Variants in TEX2 observed in about 807,000 individuals in gnomAD.
TEX2 encodes the protein testis expressed 2, also known as testis-expressed protein 2.
Under a neutral mutation model 106.9 loss-of-function variants are expected in TEX2, and 53 were observed. That is an observed-to-expected ratio of 0.50 (90% CI 0.40 to 0.62). The LOEUF (loss-of-function observed/expected upper bound fraction) is 0.62. Ranked by LOEUF, TEX2 falls within the 20% of genes least tolerant of loss-of-function variation. TEX2 has a pLI of 0.00. For missense variants in TEX2, 1,207 were observed against 1,379.0 expected (o/e 0.88, Z 1.98); for synonymous variants, 523 against 534.8 (o/e 0.98, Z 0.30).
intron 5 of TEX2, among the ~76,000 whole-genome samples, chr17:64,187,475 C>A (rs2032119772): frequency 6.6e-6 from 1 of 152,174 alleles, no homozygotes; most frequent in Admixed American, 6.5e-5. Flanking sequence ...CCTACTGTCA[C>A]TACCTTCACA....
At position 64,236,283 on chromosome 17, in the gene TEX2, A is replaced by G. The variant is rs150228202; in HGVS notation, c.-25-22041T>C. 2.6e-3 allele frequency among the ~76,000 whole-genome samples: 389 copies of G among 152,326 alleles called. 1 individual carries two copies. Among genetic ancestry groups the G allele is most frequent in the African/African-American group, 9.1e-3 (379 of 41,584 alleles). ...AGGTAATCTAGAGATTATTTAAAGT[A>G]TATATGAGGGCTGGGCCCAGTGTAA... On this transcript the variant is annotated intron_variant, in intron 1 of 11. Transcript: ENST00000584379.
chr17:64,252,898 G>A (rs1459504967), intron 1 of TEX2, among the ~76,000 whole-genome samples: 1 of 152,194 alleles, frequency 6.6e-6, no homozygotes, highest in Non-Finnish European at 1.5e-5. Context: ...GAGGTAGGGA[G>A]TACAGCTGTT....
At chr17:64,223,374 T>C (rs1321991757) in intron 1 of TEX2, among the ~76,000 whole-genome samples, 6 of 145,826 alleles carry the variant, frequency 4.1e-5, no homozygotes, top group African/African-American at 1.3e-4. Flanking sequence ...TTTTTTTTTT[T>C]CACTTTTTTT....
At chr17:64,176,965 T>C (rs903557327) in intron 6 of TEX2, among the ~76,000 whole-genome samples, 1 of 152,248 alleles carries the variant, frequency 6.6e-6, no homozygotes, top group Non-Finnish European at 1.5e-5. Flanking sequence ...GCTGTGGGGC[T>C]GGGTGGGCTC....
chr17:64,150,702 C>A, intron 11 of TEX2, 139 bp downstream of exon 11: 1 of 888,694 alleles, frequency 1.1e-6, no homozygotes. Flanking sequence ...CATATTTGAT[C>A]AAATGTAATA....
At chr17:64,156,287 G>A (rs1017683876) in intron 8 of TEX2, 2 of 152,270 alleles carry the variant, frequency 1.3e-5, no homozygotes, top group African/African-American at 2.4e-5. Flanking sequence ...AAGAGGACCC[G>A]GACTGTGTCC....
intron 8 of TEX2, among the ~76,000 whole-genome samples, chr17:64,157,073 C>T (rs765540728): frequency 3.9e-5 from 6 of 152,174 alleles, no homozygotes; most frequent in East Asian, 1.9e-4. Context: ...CTGCTCTCCG[C>T]GCTGGGGGCA....
chr17:64,193,495 T>C, intron 4 of TEX2, 64 bp downstream of exon 4: 3 of 1,259,470 alleles, frequency 2.4e-6, no homozygotes, highest in Non-Finnish European at 3.2e-6. Context: ...TACCTGGCAT[T>C]CTTTCTCTAT....
intron 5 of TEX2, 65 bp downstream of exon 5, chr17:64,188,103 T>TTAG (rs1388115391): frequency 6.4e-7 from 1 of 1,557,414 alleles, no homozygotes; most frequent in Admixed American, 1.7e-5. Flanking sequence ...TTCGGAGCAC[T>TTAG]TACGCATGAA....
At chr17:64,193,536 G>A (rs778757895) in intron 4 of TEX2, 23 bp downstream of exon 4, 1 of 1,400,672 alleles carries the variant, frequency 7.1e-7, no homozygotes, top group Non-Finnish European at 9.4e-7. Context: ...AAATGCATAA[G>A]CATTTAGCAC....
chr17:64,215,457 T>G (rs1309339937), intron 1 of TEX2, among the ~76,000 whole-genome samples: 4 of 152,162 alleles, frequency 2.6e-5, no homozygotes, highest in Non-Finnish European at 5.9e-5. Flanking sequence ...GCCACCTGGC[T>G]CTATTCTGTT....
chr17:64,189,199 G>T (rs958949234), intron 4 of TEX2, among the ~76,000 whole-genome samples: 2 of 152,180 alleles, frequency 1.3e-5, no homozygotes, highest in Non-Finnish European at 2.9e-5. Flanking sequence ...TTGAACTCAC[G>T]CACCTAAGCA....
At position 64,212,801 on chromosome 17, in the gene TEX2, C is replaced by A. The variant is rs561809518; in HGVS notation, c.1417G>T (p.Val473Leu). The A allele has an allele frequency of 1.9e-6, 3 of 1,614,158 alleles. No individual in the cohort carries two copies. In the East Asian group the frequency reaches 6.7e-5, roughly 36 times the overall value. Reference protein sequence around the residue: ...DSAVQHPELPVKTLGFFIMCV... With the variant: ...DSAVQHPELPLKTLGFFIMCV... ...ATTATAAAGAAGCCCAACGTCTTCA[C>A]TGGCAATTCCGGGTGCTGCACGGCC... The change falls in exon 2 of 12, where the codon GTG becomes TTG. Residue 473 changes from valine (V) to leucine (L), a missense_variant. Transcript: ENST00000584379.
intron 1 of TEX2, among the ~76,000 whole-genome samples, chr17:64,225,047 G>T (rs1357308088): frequency 6.6e-6 from 1 of 151,978 alleles, no homozygotes; most frequent in Non-Finnish European, 1.5e-5. Flanking sequence ...ACTCAGGACA[G>T]GTGTGTCCTA....
intron 2 of TEX2, among the ~76,000 whole-genome samples, chr17:64,207,422 T>A (rs2032867429): frequency 6.6e-6 from 1 of 152,156 alleles, no homozygotes; most frequent in Non-Finnish European, 1.5e-5. Context: ...ATTATAGTCT[T>A]CCATATTGGT....
chr17:64,177,309 G>T lies in TEX2; in HGVS notation c.2571+16C>A. 6.2e-7 allele frequency: 1 copy of T among 1,613,964 alleles called. No individual in the cohort carries two copies. The highest frequency in any genetic ancestry group is 8.5e-7 in the Non-Finnish European group (1 of 1,179,946). On this transcript the variant is annotated intron_variant, in intron 6 of 11. Coordinates refer to ENST00000584379, the MANE Select transcript of TEX2 (RefSeq NM_001288732.2). ...AAGTATAGAGGATTAGAAGCCTCTT[G>T]TGTGGAAAGTGATACCTTTATTTTG...
At chr17:64,238,966 T>G (rs1233459356) in intron 1 of TEX2, among the ~76,000 whole-genome samples, 2 of 152,190 alleles carry the variant, frequency 1.3e-5, no homozygotes, top group African/African-American at 4.8e-5. Flanking sequence ...GGAATTAGCT[T>G]TTATTGAAGA....
chr17:64,191,307 A>G (rs183027267), intron 4 of TEX2, among the ~76,000 whole-genome samples: 8 of 152,238 alleles, frequency 5.3e-5, no homozygotes, highest in Admixed American at 4.6e-4. Flanking sequence ...AAATAATCAA[A>G]TGCTTTATTT....
chr17:64,208,526 A>G (rs1555631108), intron 2 of TEX2, among the ~76,000 whole-genome samples: 1 of 152,004 alleles, frequency 6.6e-6, no homozygotes, highest in Admixed American at 6.5e-5. Flanking sequence ...GGGGTGAGCC[A>G]CCACGCCCAA....
Sources: allele counts gnomAD v4.1 joint callset (sites outside exome capture counted in the v4.1 genomes callset), GRCh38; gene constraint gnomAD v4.1.1; transcripts MANE v1.5; gene names NCBI Gene and HGNC (gene_info 2026-07-23, HGNC 2026-07-21).